The following ST6GALNAC5 variants were observed in gnomAD, a reference collection of about 807,000 sequenced individuals.
ST6GALNAC5 encodes alpha-N-acetylgalactosaminide alpha-2,6-sialyltransferase 5.
A neutral mutation model predicts 33.6 loss-of-function variants in ST6GALNAC5; 27 were observed. The observed-to-expected ratio is 0.80, with a 90% confidence interval of 0.59 to 1.11. ST6GALNAC5 has a LOEUF of 1.11. ST6GALNAC5 is among the 50% of genes least tolerant of loss of function. The probability of loss-of-function intolerance (pLI) is 0.00; values close to 1 mark genes in which losing one functional copy is unlikely to be tolerated. For missense variants in ST6GALNAC5, 428 were observed against 454.0 expected, an observed-to-expected ratio of 0.94 and a Z score of 0.52; for synonymous variants, 194 against 171.2, an observed-to-expected ratio of 1.13 and a Z score of -1.04.
Position 76,868,447 on chromosome 1 carries a change from C to G in ST6GALNAC5, c.16-50C>G, listed in dbSNP as rs1653404284. 5.1e-6 allele frequency: 8 copies of G among 1,562,412 alleles called. No homozygotes were observed. Among genetic ancestry groups the G allele is most frequent in the Non-Finnish European group, 6.1e-6 (7 of 1,151,452 alleles). ...GTTGTCCCCGCTGGGCGCGCTCCTC[C>G]GGTGTCTGCGCTCAGCCGCTCTCCT... On this transcript the variant is annotated intron_variant, in intron 1 of 4. Coordinates refer to ENST00000477717, the MANE Select transcript of ST6GALNAC5 (RefSeq NM_030965.3). This position sits in a 1 kb window ranked among gnomAD's most constrained non-coding sequence, Gnocchi z 4.3.
chr1:77,015,964 T>C (rs1358691319), intron 2 of ST6GALNAC5, among the ~76,000 whole-genome samples: 1 of 151,880 alleles, frequency 6.6e-6, no homozygotes, highest in African/African-American at 2.4e-5. Context: ...AGGCCTCTGA[T>C]CCCAGCATCC....
chr1:76,903,320 CA>C (rs1646835880), intron 2 of ST6GALNAC5, among the ~76,000 whole-genome samples: 1 of 152,080 alleles, frequency 6.6e-6, no homozygotes, highest in African/African-American at 2.4e-5. Flanking sequence ...AAATGCAAAT[CA>C]AAATCACAAG....
intron 4 of ST6GALNAC5, among the ~76,000 whole-genome samples, chr1:77,056,236 A>C (rs989849873): frequency 1.3e-5 from 2 of 152,366 alleles, no homozygotes; most frequent in East Asian, 1.9e-4. Context: ...AGCCAAATTC[A>C]TTCTCTCTAG....
chr1:76,908,704 C>G (rs1448704633), intron 2 of ST6GALNAC5, among the ~76,000 whole-genome samples: 1 of 152,122 alleles, frequency 6.6e-6, no homozygotes, highest in African/African-American at 2.4e-5. Flanking sequence ...CTAACACACT[C>G]TGTTGGGTTT....
intron 3 of ST6GALNAC5, among the ~76,000 whole-genome samples, chr1:77,047,206 C>G (rs1203829126): frequency 6.6e-6 from 1 of 152,172 alleles, no homozygotes; most frequent in Middle Eastern, 3.2e-3. Context: ...CTTTGTGCCT[C>G]TTGCCTTCGG....
At chr1:76,900,807 T>C (rs948023869) in intron 2 of ST6GALNAC5, among the ~76,000 whole-genome samples, 3 of 152,230 alleles carry the variant, frequency 2.0e-5, no homozygotes, top group Non-Finnish European at 4.4e-5. Flanking sequence ...TTTAGATACA[T>C]TTATTACTAG....
intron 2 of ST6GALNAC5, among the ~76,000 whole-genome samples, chr1:76,966,681 TC>T (rs1302996470): frequency 6.6e-6 from 1 of 152,230 alleles, no homozygotes; most frequent in African/African-American, 2.4e-5. Context: ...GTGCCAGTTT[TC>T]AAAGGGAATG....
chr1:77,006,881 G>T (rs1192799681), intron 2 of ST6GALNAC5, among the ~76,000 whole-genome samples: 1 of 152,098 alleles, frequency 6.6e-6, no homozygotes, highest in African/African-American at 2.4e-5. Flanking sequence ...TTCTCAGATG[G>T]CCTCAGTCAT....
rs1013868428 is a variant in ST6GALNAC5 at position 77,065,814 on chromosome 1, C to G, written c.*2608C>G. On this transcript the variant is annotated 3_prime_UTR_variant, in exon 5 of 5. Transcript: ENST00000477717. ...ATGTTACATGCCTTTTTCCTCTCTC[C>G]CAGCTGTGTCATCAGCTCCCTCCTA... The G allele has an allele frequency of 6.6e-6, 1 of 152,142 alleles. No homozygotes were observed. The highest frequency in any genetic ancestry group is 2.4e-5 in the African/African-American group (1 of 41,436). 9.4% of individuals were successfully genotyped at this position (152,142 alleles called of 1,614,324 possible).
At chr1:76,989,792 C>A (rs754784341) in intron 2 of ST6GALNAC5, among the ~76,000 whole-genome samples, 13 of 152,046 alleles carry the variant, frequency 8.6e-5, no homozygotes, top group Non-Finnish European at 1.5e-4. Flanking sequence ...TCATTATAGT[C>A]CCATTAGGGT....
chr1:77,021,653 TTCTG>T (rs1346489950), intron 2 of ST6GALNAC5, among the ~76,000 whole-genome samples: 1 of 152,184 alleles, frequency 6.6e-6, no homozygotes, highest in Non-Finnish European at 1.5e-5. Flanking sequence ...GACTTTCTAC[TTCTG>T]TCTTTCTTTG....
chr1:76,994,289 C>T (rs114075661), intron 2 of ST6GALNAC5, among the ~76,000 whole-genome samples: 130 of 152,228 alleles, frequency 8.5e-4, no homozygotes, highest in African/African-American at 2.7e-3. Context: ...TTTTAAAATG[C>T]GGTATAACAA....
intron 2 of ST6GALNAC5, among the ~76,000 whole-genome samples, chr1:77,024,415 C>T (rs1054424114): frequency 6.6e-6 from 1 of 152,184 alleles, no homozygotes; most frequent in Non-Finnish European, 1.5e-5. Context: ...ATCACCTCCC[C>T]TTCTCCAAGT....
At chr1:77,042,844 T>G (rs768801600) in intron 2 of ST6GALNAC5, among the ~76,000 whole-genome samples, 3 of 152,132 alleles carry the variant, frequency 2.0e-5, no homozygotes, top group Non-Finnish European at 2.9e-5. Flanking sequence ...CAGTTAGAGA[T>G]GAGAAAACTG....
chr1:77,027,769 T>C (rs1338337441), intron 2 of ST6GALNAC5, among the ~76,000 whole-genome samples: 1 of 152,210 alleles, frequency 6.6e-6, no homozygotes, highest in Non-Finnish European at 1.5e-5. Context: ...TTGGTGGTGA[T>C]GTTCTGATGT....
At chr1:77,043,209 T>G (rs1231437832) in intron 2 of ST6GALNAC5, among the ~76,000 whole-genome samples, 4 of 152,252 alleles carry the variant, frequency 2.6e-5, no homozygotes, top group Non-Finnish European at 5.9e-5. Flanking sequence ...TTCTTGTACA[T>G]TTGCTGGCCT....
chr1:76,898,703 T>C (rs912485210), intron 2 of ST6GALNAC5, among the ~76,000 whole-genome samples: 3 of 152,132 alleles, frequency 2.0e-5, no homozygotes, highest in African/African-American at 4.8e-5. Flanking sequence ...TCAGCCACCT[T>C]TTTAAGAGGA....
At chr1:76,924,767 C>G (rs1647068827) in intron 2 of ST6GALNAC5, among the ~76,000 whole-genome samples, 1 of 152,094 alleles carries the variant, frequency 6.6e-6, no homozygotes, top group Admixed American at 6.6e-5. Context: ...CCAAGAAACC[C>G]TGAAGAAATG....
intron 2 of ST6GALNAC5, among the ~76,000 whole-genome samples, chr1:76,947,409 TACA>T (rs1482021036): frequency 6.6e-6 from 1 of 152,062 alleles, no homozygotes; most frequent in Admixed American, 6.6e-5. Flanking sequence ...TAGTATACAC[TACA>T]ACAACAACAA....
Sources: gnomAD v4.1 joint callset for allele counts (sites outside exome capture counted in the v4.1 genomes callset) on GRCh38, gnomAD v4.1.1 for gene constraint, Gnocchi (gnomAD v3.1) non-coding constraint, MANE v1.5 for transcripts, NCBI Gene and HGNC (gene_info 2026-07-23, HGNC 2026-07-21) for gene names.